CKMT2: variants seen among roughly 807,000 people sequenced by gnomAD.
CKMT2 encodes creatine kinase, mitochondrial 2, also known as creatine kinase S-type, mitochondrial.
A neutral mutation model predicts 48.9 loss-of-function variants in CKMT2; 43 were observed. The observed-to-expected ratio is 0.88, with a 90% confidence interval of 0.69 to 1.13. CKMT2 has a LOEUF of 1.13. Among genes scored for constraint, CKMT2 ranks in the 50% most tolerant of loss-of-function variants. The probability of loss-of-function intolerance (pLI) is 0.00; values close to 1 mark genes in which losing one functional copy is unlikely to be tolerated. For synonymous variants in CKMT2, 206 were observed against 213.0 expected, an observed-to-expected ratio of 0.97 and a Z score of 0.29; for missense variants, 472 against 555.4, an observed-to-expected ratio of 0.85 and a Z score of 1.51.
intron 1 of CKMT2, chr5:81,242,642 T>A: frequency 3.8e-6 from 1 of 265,386 alleles, no homozygotes; most frequent in East Asian, 8.0e-5. Flanking sequence ...ACGCTGAGAT[T>A]TGTAGTGAGA....
At position 81,251,249 on chromosome 5, in the gene CKMT2, C is replaced by T. The variant is rs779296426; in HGVS notation, c.117C>T (p.Ala39=). ...TGCTGAACCGGCAGAAAGTGTGTGC[C>T]GAGGTCCGGGAGCAGCCTAGGCTAT... ...GYLLNRQKVC[A]EVREQPRLFP... is the part of the protein sequence containing the mutation. Residue 39 remains alanine (A), a synonymous_variant, in exon 2 of 10, where the codon GCC becomes GCT. Coordinates refer to ENST00000254035, the MANE Select transcript of CKMT2 (RefSeq NM_001099735.2). 41 of 1,613,992 alleles carry T rather than the reference C, an allele frequency of 2.5e-5. No individual in the cohort carries two copies. Among genetic ancestry groups the T allele is most frequent in the Admixed American group, 1.5e-4 (9 of 59,996 alleles).
At position 81,266,267 on chromosome 5, in the gene CKMT2, T is replaced by C. The variant is rs1229950705; in HGVS notation, c.*9T>C. On this transcript the variant is annotated 3_prime_UTR_variant, in exon 10 of 10. Coordinates refer to ENST00000254035, the MANE Select transcript of CKMT2 (RefSeq NM_001099735.2). ...AGTTTGGCAAAAAGTAAACTTTCCC[T>C]TTCCCAATTTATAAATAATCTGTCT... The C allele has an allele frequency of 1.2e-6, 2 of 1,611,928 alleles. No individual in the cohort carries two copies. The highest frequency in any genetic ancestry group is 1.1e-5 in the South Asian group (1 of 91,002).
intron 4 of CKMT2, 131 bp downstream of exon 4, chr5:81,254,622 G>A (rs752468928): frequency 1.3e-6 from 1 of 745,014 alleles, no homozygotes; most frequent in Non-Finnish European, 2.2e-6. Flanking sequence ...CCCTGGCACA[G>A]CCTTCCCTCT....
chr5:81,243,322 T>C (rs11950033), intron 1 of CKMT2, among the ~76,000 whole-genome samples: 29,418 of 152,050 alleles, frequency 0.19, 3,065 homozygotes, highest in Admixed American at 0.28. Flanking sequence ...GGAACAGATT[T>C]TGTGGGGATT....
At chr5:81,265,331 A>T (rs141365408) in intron 9 of CKMT2, among the ~76,000 whole-genome samples, 184 of 152,332 alleles carry the variant, frequency 1.2e-3, no homozygotes, top group African/African-American at 4.3e-3. Flanking sequence ...TTCCTTATGC[A>T]TATAAAGAGA....
At chr5:81,260,034 G>GCAAT (rs1410412039) in intron 8 of CKMT2, among the ~76,000 whole-genome samples, 3 of 152,134 alleles carry the variant, frequency 2.0e-5, no homozygotes, top group East Asian at 1.9e-4. Flanking sequence ...AGACCACAGT[G>GCAAT]CAATCAAATT....
intron 1 of CKMT2, chr5:81,244,000 T>G: frequency 1.3e-5 from 13 of 981,376 alleles, no homozygotes; most frequent in Middle Eastern, 5.2e-4. Context: ...GTCCCTAATA[T>G]GATCTTATTT....
chr5:81,254,108 T>C (rs1358863521), intron 3 of CKMT2, among the ~76,000 whole-genome samples: 2 of 152,216 alleles, frequency 1.3e-5, no homozygotes, highest in Non-Finnish European at 2.9e-5. Context: ...CTGATGGCAG[T>C]GATTTTGGCA....
intron 1 of CKMT2, among the ~76,000 whole-genome samples, chr5:81,246,578 T>C (rs1039990513): frequency 6.6e-6 from 1 of 152,216 alleles, no homozygotes; most frequent in Non-Finnish European, 1.5e-5. Flanking sequence ...GAACTGTTTC[T>C]TTTGCTCACT....
At chr5:81,249,469 C>T (rs531159406) in intron 1 of CKMT2, among the ~76,000 whole-genome samples, 5 of 152,348 alleles carry the variant, frequency 3.3e-5, no homozygotes, top group Admixed American at 1.3e-4. Flanking sequence ...AGCCACATTA[C>T]ACAGCTCCCT....
chr5:81,254,824 G>C, intron 4 of CKMT2, 169 bp from the exon 5 acceptor site: 1 of 642,454 alleles, frequency 1.6e-6, no homozygotes, highest in Non-Finnish European at 2.7e-6. Context: ...ACTAGTCGAA[G>C]GTCCGTGCCC....
At chr5:81,264,182 G>A (rs1030555388) in intron 9 of CKMT2, among the ~76,000 whole-genome samples, 2 of 152,166 alleles carry the variant, frequency 1.3e-5, no homozygotes, top group African/African-American at 2.4e-5. Flanking sequence ...GAATATGTAG[G>A]ATGAAAAGGA....
At chr5:81,258,297 T>G (rs976493864) in intron 7 of CKMT2, among the ~76,000 whole-genome samples, 2 of 152,238 alleles carry the variant, frequency 1.3e-5, no homozygotes, top group Admixed American at 6.5e-5. Context: ...TGACTTTCTC[T>G]TGTTATTAGA....
chr5:81,235,066 G>A (rs2112774327), intron 1 of CKMT2, among the ~76,000 whole-genome samples: 1 of 152,250 alleles, frequency 6.6e-6, no homozygotes, highest in Middle Eastern at 3.4e-3. Flanking sequence ...CACTTCAAAG[G>A]ACTAGATGGC....
At chr5:81,248,029 T>C (rs1280937370) in intron 1 of CKMT2, among the ~76,000 whole-genome samples, 1 of 152,180 alleles carries the variant, frequency 6.6e-6, no homozygotes. Context: ...ATATGACACT[T>C]CAAACATTAA....
At chr5:81,254,955 C>T (rs1379604313) in intron 4 of CKMT2, 38 bp from the exon 5 acceptor site, 5 of 1,565,584 alleles carry the variant, frequency 3.2e-6, no homozygotes, top group Non-Finnish European at 3.5e-6. Context: ...GACCATGGTC[C>T]GAGGCTGGCC....
At chr5:81,243,064 T>G (rs1391202398) in intron 1 of CKMT2, among the ~76,000 whole-genome samples, 15 of 152,182 alleles carry the variant, frequency 9.9e-5, no homozygotes, top group Non-Finnish European at 1.0e-4. Context: ...GAACTTCCCT[T>G]AAAGGGACTG....
intron 1 of CKMT2, among the ~76,000 whole-genome samples, chr5:81,233,988 C>A (rs1756178759): frequency 6.6e-6 from 1 of 150,808 alleles, no homozygotes; most frequent in Non-Finnish European, 1.5e-5. Context: ...TCTCCCCTCC[C>A]CACCATCCTT....
chr5:81,242,218 C>T, intron 1 of CKMT2: 1 of 244,162 alleles, frequency 4.1e-6, no homozygotes, highest in Non-Finnish European at 8.0e-6. Context: ...CACTTGGTGG[C>T]TTTTATTGAT....
Sources: gnomAD v4.1 joint callset for allele counts (sites outside exome capture counted in the v4.1 genomes callset) on GRCh38, gnomAD v4.1.1 for gene constraint, MANE v1.5 for transcripts, NCBI Gene and HGNC (gene_info 2026-07-23, HGNC 2026-07-21) for gene names.